FOXF2: variants seen among roughly 807,000 people sequenced by gnomAD.
FOXF2 encodes the protein forkhead box F2, also known as forkhead box protein F2.
A neutral mutation model predicts 29.1 loss-of-function variants in FOXF2; 15 were observed. The observed-to-expected ratio is 0.52, with a 90% CI of 0.35 to 0.79. The LOEUF is 0.79. Ranked by LOEUF, FOXF2 falls within the 30% of genes least tolerant of loss-of-function variation. The pLI is 0.01. For synonymous variants in FOXF2, 337 were observed against 316.5 expected (o/e 1.06, Z -0.69); for missense variants, 675 against 667.1 (o/e 1.01, Z -0.13).
Position 1,390,850 on chromosome 6 carries a change from G to GAGC in FOXF2, c.903_904insAGC (p.Gly301_Gly302insSer). The stretch of plus-strand genomic sequence containing the variant: ...GACCCGGGGGCGTCGGTGCGGCCGG[G>GAGC]GGCGGCGGCGGCGGCGACTACGGGC... On this transcript the variant is annotated inframe_insertion, in exon 1 of 2. Coordinates refer to ENST00000645481, the MANE Select transcript of FOXF2 (RefSeq NM_001452.2). This position sits in a 1 kb window ranked among gnomAD's most constrained non-coding sequence, Gnocchi z 8.5. 2 of 1,418,298 alleles carry GAGC rather than the reference G, an allele frequency of 1.4e-6. No individual in the cohort carries two copies. The highest frequency in any genetic ancestry group is 3.2e-5 in the South Asian group (2 of 63,168). The allele number at this position is 1,418,298 out of a possible 1,614,324, so 87.9% of individuals were successfully genotyped here. A position where few individuals can be genotyped will look rare whatever the true frequency, so the allele number is the denominator to read the frequency against.
Position 1,391,808 on chromosome 6 carries a change from G to C in FOXF2, c.1171+690G>C, listed in dbSNP as rs572608532. Among the ~76,000 whole-genome samples the C allele has an allele frequency of 2.9e-3, 437 of 152,096 alleles. 5 individuals carry two copies. Among genetic ancestry groups the C allele is most frequent in the African/African-American group, 9.6e-3 (397 of 41,506 alleles). On this transcript the variant is annotated intron_variant, in intron 1 of 1. Transcript: ENST00000645481. ...TGGCAGGACCTGAAGGACCCTGCTA[G>C]GACTCCCCTGAGAAATGCGCCTGCC...
rs1169116418 is a variant in FOXF2, at chr6:1,390,372, A to G, written c.425A>G (p.Gln142Arg). ...ARFPFFRGAY[Q>R]GWKNSVRHNL... ...TTCCCCTTCTTCCGCGGCGCCTACC[A>G]GGGCTGGAAGAACTCGGTGCGCCAC... Residue 142 changes from glutamine to arginine, a missense_variant, in exon 1 of 2, where the codon CAG (glutamine) becomes CGG (arginine). By Grantham distance (43) the Gln-to-Arg change is conservative. Coordinates refer to ENST00000645481, the MANE Select transcript of FOXF2 (RefSeq NM_001452.2). The surrounding 1 kb of genome is among the most constrained non-coding windows in gnomAD (Gnocchi z 8.5). The G allele has an allele frequency of 2.5e-6, 4 of 1,612,406 alleles. No homozygotes were observed. Among genetic ancestry groups the G allele is most frequent in the Non-Finnish European group, 8.5e-7 (1 of 1,179,940 alleles).
At chr6:1,391,687 C>A (rs899566928) in intron 1 of FOXF2, among the ~76,000 whole-genome samples, 1 of 152,062 alleles carries the variant, frequency 6.6e-6, no homozygotes, top group African/African-American at 2.4e-5. Flanking sequence ...GGACATTTGC[C>A]AGTGGAGGGG....
chr6:1,394,563 T>G, intron 1 of FOXF2, 133 bp from the exon 2 acceptor site: 1 of 800,104 alleles, frequency 1.2e-6, no homozygotes, highest in South Asian at 1.5e-5. Flanking sequence ...AAGCTGGGCT[T>G]TCTCTACCAG....
intron 1 of FOXF2, among the ~76,000 whole-genome samples, chr6:1,392,649 A>G (rs1485832050): frequency 6.6e-6 from 1 of 152,150 alleles, no homozygotes; most frequent in Non-Finnish European, 1.5e-5. Flanking sequence ...AAAAAAAAGC[A>G]CACAGGAAAG....
At chr6:1,394,598 A>G in intron 1 of FOXF2, 98 bp from the exon 2 acceptor site, 1 of 1,173,170 alleles carries the variant, frequency 8.5e-7, no homozygotes, top group South Asian at 1.2e-5. Context: ...ACTAAAAGGC[A>G]CAGCAGCACC....
In FOXF2 at chr6:1,391,060, GTCC is replaced by G. The variant is rs1263542912; in HGVS notation, c.1118_1120del (p.Ser373del). 1 of 1,603,020 alleles carries G rather than the reference GTCC, an allele frequency of 6.2e-7. No individual in the cohort carries two copies. ...CCTCGGCAGGCCTGCACTCCAGCATGTCCTCCTACTCGCTGGAGCAGAGCTACT... is the reference window on the plus strand; with the variant it reads ...CCTCGGCAGGCCTGCACTCCAGCATGTCCTACTCGCTGGAGCAGAGCTACT... On this transcript the variant is annotated inframe_deletion, in exon 1 of 2. Coordinates refer to ENST00000645481, the MANE Select transcript of FOXF2 (RefSeq NM_001452.2).
chr6:1,394,875 G>C lies in FOXF2; in HGVS notation c.*16G>C, dbSNP rs1581264171. The C allele has an allele frequency of 6.2e-7, 1 of 1,613,874 alleles. No homozygotes were observed. Among genetic ancestry groups the C allele is most frequent in the African/African-American group, 1.3e-5 (1 of 75,032 alleles). On this transcript the variant is annotated 3_prime_UTR_variant, in exon 2 of 2. Transcript: ENST00000645481. ...CGTCATGTGAACGGAAAGAGGCCAA[G>C]CGATGGCCGCTCTCTCCTCTCCCCT...
chr6:1,390,686 G>A lies in FOXF2; in HGVS notation c.739G>A (p.Asp247Asn). The A allele has an allele frequency of 6.6e-7, 1 of 1,520,390 alleles. No individual in the cohort carries two copies. Among genetic ancestry groups the A allele is most frequent in the Non-Finnish European group, 8.8e-7 (1 of 1,142,602 alleles). The allele number at this position is 1,520,390 out of a possible 1,614,324, so 94.2% of individuals were successfully genotyped here. ...CHSQGGYGGL[D>N]MMPAGYDAGA... ...CAGCCAGGGCGGCTACGGCGGCCTC[G>A]ACATGATGCCCGCGGGCTACGACGC... The change falls in exon 1 of 2, where the codon GAC becomes AAC. Residue 247 changes from aspartate (D) to asparagine (N), a missense_variant. By Grantham distance (23) the Asp-to-Asn change is conservative. Coordinates refer to ENST00000645481, the MANE Select transcript of FOXF2 (RefSeq NM_001452.2). This position sits in a 1 kb window ranked among gnomAD's most constrained non-coding sequence, Gnocchi z 8.5.
Position 1,395,002 on chromosome 6 carries a change from G to A in FOXF2, c.*143G>A, listed in dbSNP as rs1189098298. ...ACTTAGCCAGAATGCCCAGGATCGCGTTGGTCACTGTTATTTGCCTACTGC... is the reference window on the plus strand; with the variant it reads ...ACTTAGCCAGAATGCCCAGGATCGCATTGGTCACTGTTATTTGCCTACTGC... On this transcript the variant is annotated 3_prime_UTR_variant, in exon 2 of 2. Coordinates refer to ENST00000645481, the MANE Select transcript of FOXF2 (RefSeq NM_001452.2). 1.8e-5 allele frequency: 15 copies of A among 810,924 alleles called. No homozygotes were observed. The highest frequency in any genetic ancestry group is 4.7e-5 in the South Asian group (3 of 63,574). 50.2% of individuals were successfully genotyped at this position (810,924 alleles called of 1,614,324 possible).
At position 1,389,956 on chromosome 6, in the gene FOXF2, C is replaced by G; in HGVS notation, c.9C>G (p.Thr3=). ...TCGCTCCCGGGTCCCAGATGACCAC[C>G]GAGGGCGGGCCGCCGCCGGCCCCGC... MT[T]EGGPPPAPLR... Residue 3 remains threonine (T), a synonymous_variant, in exon 1 of 2, where the codon ACC becomes ACG. Transcript: ENST00000645481. 19 of 994,954 alleles carry G rather than the reference C, an allele frequency of 1.9e-5. No homozygotes were observed. Among genetic ancestry groups the G allele is most frequent in the Non-Finnish European group, 2.3e-5 (19 of 838,174 alleles). The allele number at this position is 994,954 out of a possible 1,614,324, so 61.6% of individuals were successfully genotyped here. A position where few individuals can be genotyped will look rare whatever the true frequency, so the allele number is the denominator to read the frequency against.
chr6:1,390,970 C>G lies in FOXF2; in HGVS notation c.1023C>G (p.Ser341Arg). ...SPYTSPAAHW[S>R]SPGASPYLKQ... ...ACACGAGCCCTGCGGCGCACTGGAGCTCGCCTGGCGCCTCGCCTTACCTCA... is the reference window on the plus strand; with the variant it reads ...ACACGAGCCCTGCGGCGCACTGGAGGTCGCCTGGCGCCTCGCCTTACCTCA... The change falls in exon 1 of 2, where the codon AGC becomes AGG. Residue 341 changes from serine (S) to arginine (R), a missense_variant. Ser to Arg is a moderately radical substitution (Grantham distance 110, BLOSUM62 -1). Around this residue, in one of 3 missense-constraint regions of FOXF2, gnomAD observed 451 missense variants for 437.2 expected, o/e 1.03. Transcript: ENST00000645481. This position sits in a 1 kb window ranked among gnomAD's most constrained non-coding sequence, Gnocchi z 8.5. The G allele has an allele frequency of 6.3e-7, 1 of 1,593,868 alleles. No individual in the cohort carries two copies.
At chr6:1,393,510 G>T (rs976362127) in intron 1 of FOXF2, among the ~76,000 whole-genome samples, 2 of 152,170 alleles carry the variant, frequency 1.3e-5, no homozygotes, top group African/African-American at 4.8e-5. Flanking sequence ...GGGCAGCTGC[G>T]TTAGCGCAGC....
Position 1,394,738 on chromosome 6 carries a change from A to G in FOXF2, c.1214A>G (p.Asp405Gly). 6.2e-7 allele frequency: 1 copy of G among 1,614,108 alleles called. No homozygotes were observed. Among genetic ancestry groups the G allele is most frequent in the African/African-American group, 1.3e-5 (1 of 75,016 alleles). Reference sequence around the variant, plus strand: ...CAGCATCACTCTACTCCAGTGTGTGACAGAAAAGATTTCGTCCTCAACTTC... The same window carrying G: ...CAGCATCACTCTACTCCAGTGTGTGGCAGAAAAGATTTCGTCCTCAACTTC... ...RYQHHSTPVC[D>G]RKDFVLNFNG... The change falls in exon 2 of 2, where the codon GAC becomes GGC. Residue 405 changes from aspartate to glycine, a missense_variant. Physicochemically the swap from Asp to Gly is moderately conservative, Grantham distance 94. Transcript: ENST00000645481.
chr6:1,390,217 G>C lies in FOXF2; in HGVS notation c.270G>C (p.Lys90Asn), dbSNP rs778734453. 2.6e-5 allele frequency: 41 copies of C among 1,568,026 alleles called. No homozygotes were observed. Among genetic ancestry groups the C allele is most frequent in the Non-Finnish European group, 3.4e-5 (40 of 1,160,440 alleles). ...GCGCCGGGAGCGGGGGCGCCAAGAA[G>C]GCGAGCTCGGGGCTGCGGCGGCCCG... is the stretch of plus-strand genomic sequence containing the variant. ...GAGAGSGGAK[K>N]ASSGLRRPEK... Residue 90 changes from lysine to asparagine, a missense_variant, in exon 1 of 2, where the codon AAG becomes AAC. Transcript: ENST00000645481. The surrounding 1 kb of genome is among the most constrained non-coding windows in gnomAD (Gnocchi z 8.5).
intron 1 of FOXF2, among the ~76,000 whole-genome samples, chr6:1,392,456 A>T (rs1193210145): frequency 2.0e-5 from 3 of 150,728 alleles, no homozygotes; most frequent in African/African-American, 4.9e-5. Flanking sequence ...ACACACACAC[A>T]CACACACACA....
rs939172897 is a variant in FOXF2 at position 1,395,203 on chromosome 6, TGTG to T, written c.*345_*347del. 1.2e-5 allele frequency: 3 copies of T among 256,132 alleles called. No individual in the cohort carries two copies. Among genetic ancestry groups the T allele is most frequent in the African/African-American group, 2.2e-5 (1 of 44,770 alleles). The allele number at this position is 256,132 out of a possible 1,614,324, so 15.9% of individuals were successfully genotyped here. ...CAGGGTGTGAAAAAAGCAGACAAGTTGTGTGTGTGTGTGTGTGTCTAAGAAAAC... is the reference window on the plus strand; with the variant it reads ...CAGGGTGTGAAAAAAGCAGACAAGTTTGTGTGTGTGTGTGTCTAAGAAAAC... On this transcript the variant is annotated 3_prime_UTR_variant, in exon 2 of 2. Coordinates refer to ENST00000645481, the MANE Select transcript of FOXF2 (RefSeq NM_001452.2).
At position 1,390,915 on chromosome 6, in the gene FOXF2, T is replaced by C; in HGVS notation, c.968T>C (p.Met323Thr). Residue 323 changes from methionine (M) to threonine (T), a missense_variant, in exon 1 of 2, where the codon ATG becomes ACG. Physicochemically the swap from Met to Thr is moderately conservative, Grantham distance 81 (BLOSUM62 -1). Coordinates refer to ENST00000645481, the MANE Select transcript of FOXF2 (RefSeq NM_001452.2). The surrounding 1 kb of genome is among the most constrained non-coding windows in gnomAD (Gnocchi z 8.5). ...AGCCCGGTACCCTCGTCCCCGGCCATGGCGAGCGCCATCGAATGCCACTCG... is the reference window on the plus strand; with the variant it reads ...AGCCCGGTACCCTCGTCCCCGGCCACGGCGAGCGCCATCGAATGCCACTCG... ...SSSPVPSSPA[M>T]ASAIECHSPY... 1 of 1,545,996 alleles carries C rather than the reference T, an allele frequency of 6.5e-7. No individual in the cohort carries two copies. The highest frequency in any genetic ancestry group is 1.2e-5 in the South Asian group (1 of 84,710).
Position 1,390,193 on chromosome 6 carries a change from C to T in FOXF2, c.246C>T (p.Gly82=). The T allele has an allele frequency of 6.7e-7, 1 of 1,483,540 alleles. No homozygotes were observed. The highest frequency in any genetic ancestry group is 8.9e-7 in the Non-Finnish European group (1 of 1,121,252). The allele number at this position is 1,483,540 out of a possible 1,614,324, so 91.9% of individuals were successfully genotyped here. A position where few individuals can be genotyped will look rare whatever the true frequency, so the allele number is the denominator to read the frequency against. The stretch of plus-strand genomic sequence containing the variant: ...AGAGCGCGGGCGGCGGCGGCGCGGG[C>T]GCCGGGAGCGGGGGCGCCAAGAAGG... The part of the protein sequence containing the change: ...ACKSAGGGGA[G]AGSGGAKKAS... Residue 82 remains glycine (G), a synonymous_variant, in exon 1 of 2, where the codon GGC becomes GGT. Coordinates refer to ENST00000645481, the MANE Select transcript of FOXF2 (RefSeq NM_001452.2). The surrounding 1 kb of genome is among the most constrained non-coding windows in gnomAD (Gnocchi z 8.5).
Sources: gnomAD v4.1 joint callset for allele counts (sites outside exome capture counted in the v4.1 genomes callset) on GRCh38, gnomAD v4.1.1 for gene constraint, gnomAD v4.1.1 regional missense constraint, Gnocchi (gnomAD v3.1) non-coding constraint, MANE v1.5 for transcripts, NCBI Gene and HGNC (gene_info 2026-07-23, HGNC 2026-07-21) for gene names.